The following SLC44A5 variants were observed in gnomAD, a reference collection of about 807,000 sequenced individuals.
SLC44A5 encodes choline transporter-like protein 5.
In SLC44A5, 57 loss-of-function variants were observed where a neutral mutation model predicts 101.8. That is an observed-to-expected ratio of 0.56 (90% CI 0.45 to 0.70). The LOEUF is 0.70. Ranked by LOEUF, SLC44A5 falls within the 30% of genes least tolerant of loss-of-function variation. SLC44A5 has a pLI of 0.00. For synonymous variants in SLC44A5, 281 were observed against 290.9 expected (o/e 0.97, Z 0.35); for missense variants, 737 against 853.1 (o/e 0.86, Z 1.70).
chr1:75,696,589 C>G, the SLC44A5 span, among the ~76,000 whole-genome samples: 2 of 152,126 alleles, frequency 1.3e-5, no homozygotes, highest in Non-Finnish European at 2.9e-5. Flanking sequence ...TATGTCGACT[C>G]TCTTAGACTC....
chr1:75,208,359 A>G lies in SLC44A5; in HGVS notation c.2047+3109T>C, dbSNP rs199948085. On this transcript the variant is annotated intron_variant, in intron 23 of 23. Coordinates refer to ENST00000370859, the MANE Select transcript of SLC44A5 (RefSeq NM_001130058.2). ...TTATTTGTAGAGACAGGGTTTTGCT[A>G]TGTTGGTCAGGCTGGTCTCGAACTC... 2.0e-5 allele frequency among the ~76,000 whole-genome samples: 3 copies of G among 152,102 alleles called. No individual in the cohort carries two copies. In the East Asian group the frequency reaches 5.8e-4, roughly 29 times the overall value.
intron 2 of SLC44A5, among the ~76,000 whole-genome samples, chr1:75,532,985 G>C (rs565699296): frequency 1.3e-5 from 2 of 152,232 alleles, no homozygotes; most frequent in South Asian, 4.2e-4. Context: ...TTTCCTTATT[G>C]AAACAGTTTC....
intron 7 of SLC44A5, 36 bp downstream of exon 7, chr1:75,251,174 C>A (rs750384721): frequency 5.4e-6 from 8 of 1,480,566 alleles, no homozygotes; most frequent in Admixed American, 1.7e-5. Flanking sequence ...ATGTTCAGAA[C>A]GGCTGACACT....
chr1:75,462,186 A>G (rs1254089988), intron 2 of SLC44A5, among the ~76,000 whole-genome samples: 1 of 152,218 alleles, frequency 6.6e-6, no homozygotes, highest in Non-Finnish European at 1.5e-5. Context: ...ACTCAGAACA[A>G]AGATATAAAC....
At chr1:75,446,132 T>C (rs906505718) in intron 2 of SLC44A5, among the ~76,000 whole-genome samples, 2 of 152,202 alleles carry the variant, frequency 1.3e-5, no homozygotes, top group African/African-American at 2.4e-5. Flanking sequence ...CCAGTCCTGG[T>C]TCATTCTCTA....
chr1:75,515,011 T>C (rs1324764512), intron 2 of SLC44A5, among the ~76,000 whole-genome samples: 1 of 152,224 alleles, frequency 6.6e-6, no homozygotes, highest in Non-Finnish European at 1.5e-5. Flanking sequence ...GCACAATACA[T>C]CTCGGCAATA....
chr1:75,697,553 G>A, the SLC44A5 span, among the ~76,000 whole-genome samples: 3 of 152,152 alleles, frequency 2.0e-5, no homozygotes, highest in South Asian at 2.1e-4. Context: ...TTGGGAAGCC[G>A]GGGCTGGTGG....
chr1:75,587,014 G>A (rs1674044875), intron 1 of SLC44A5, among the ~76,000 whole-genome samples: 2 of 152,048 alleles, frequency 1.3e-5, no homozygotes, highest in African/African-American at 2.4e-5. Flanking sequence ...CAGAGCTGGG[G>A]CAGGCTGGTG....
intron 2 of SLC44A5, among the ~76,000 whole-genome samples, chr1:75,538,879 T>A (rs930022156): frequency 6.6e-6 from 1 of 152,144 alleles, no homozygotes; most frequent in South Asian, 2.1e-4. Flanking sequence ...CTGGAGCTAT[T>A]TGAGTAATAA....
chr1:75,383,295 G>A (rs1479159822), intron 3 of SLC44A5, among the ~76,000 whole-genome samples: 2 of 131,286 alleles, frequency 1.5e-5, no homozygotes, highest in Non-Finnish European at 3.2e-5. Context: ...TAAATACTAA[G>A]GGAACTCAGA....
At chr1:75,659,949 A>T in the SLC44A5 span, among the ~76,000 whole-genome samples, 10 of 152,090 alleles carry the variant, frequency 6.6e-5, no homozygotes, top group African/African-American at 2.4e-4. Flanking sequence ...AGATTAATAG[A>T]ATCAAAGCAC....
intron 1 of SLC44A5, among the ~76,000 whole-genome samples, chr1:75,559,984 A>T (rs996406462): frequency 2.0e-5 from 3 of 152,286 alleles, no homozygotes; most frequent in South Asian, 2.1e-4. Context: ...CCACACTGAG[A>T]TATCACTTTA....
At chr1:75,273,940 A>C (rs1449349600) in intron 6 of SLC44A5, among the ~76,000 whole-genome samples, 1 of 152,130 alleles carries the variant, frequency 6.6e-6, no homozygotes, top group Non-Finnish European at 1.5e-5. Context: ...GAATAGTTTT[A>C]GTAGGATCGG....
At chr1:75,563,087 C>T (rs751761999) in intron 1 of SLC44A5, among the ~76,000 whole-genome samples, 2 of 152,168 alleles carry the variant, frequency 1.3e-5, no homozygotes, top group African/African-American at 2.4e-5. Context: ...ATCTTAATAT[C>T]ATCATAATGT....
intron 2 of SLC44A5, among the ~76,000 whole-genome samples, chr1:75,461,565 C>T (rs1490661810): frequency 6.6e-6 from 1 of 152,156 alleles, no homozygotes; most frequent in African/African-American, 2.4e-5. Flanking sequence ...ATAGCTCTTT[C>T]CTAGCAAAAG....
intron 4 of SLC44A5, among the ~76,000 whole-genome samples, chr1:75,308,909 A>T (rs554747283): frequency 1.5e-4 from 23 of 152,366 alleles, no homozygotes; most frequent in African/African-American, 5.3e-4. Flanking sequence ...TACACATTAA[A>T]GTGAGGAGAT....
At chr1:75,614,195 A>G (rs1313617355), upstream of SLC44A5, among the ~76,000 whole-genome samples, 5 of 152,186 alleles carry the variant, frequency 3.3e-5, no homozygotes, top group Non-Finnish European at 5.9e-5. Context: ...GGCTTAGACT[A>G]ATTATTTGAT....
At chr1:75,217,219 T>G (rs1646979846) in intron 18 of SLC44A5, among the ~76,000 whole-genome samples, 1 of 152,092 alleles carries the variant, frequency 6.6e-6, no homozygotes. Context: ...TCTTTTCCCA[T>G]TGAATGGTCT....
chr1:75,564,542 C>A (rs905271719), intron 1 of SLC44A5, among the ~76,000 whole-genome samples: 1 of 151,502 alleles, frequency 6.6e-6, no homozygotes, highest in Non-Finnish European at 1.5e-5. Flanking sequence ...AAGTTAGGAC[C>A]CATGATCTTT....
Sources: gnomAD v4.1 joint callset for allele counts (sites outside exome capture counted in the v4.1 genomes callset) on GRCh38, gnomAD v4.1.1 for gene constraint, MANE v1.5 for transcripts, NCBI Gene and HGNC (gene_info 2026-07-23, HGNC 2026-07-21) for gene names.